The following GPHN variants were observed in gnomAD, a reference collection of about 807,000 sequenced individuals.
GPHN encodes the protein gephyrin.
GPHN carries 17 observed loss-of-function variants against 95.5 expected under a neutral mutation model. The ratio of observed to expected loss-of-function variants is 0.18; its 90% confidence interval spans 0.12 to 0.27. GPHN has a LOEUF of 0.27. GPHN is among the 10% of genes least tolerant of loss of function. The pLI is 1.00. For synonymous variants in GPHN, 320 were observed against 322.5 expected (o/e 0.99, Z 0.08); for missense variants, 660 against 978.1 (o/e 0.67, Z 4.34).
At chr14:66,613,747 A>G (rs1005585812) in intron 1 of GPHN, among the ~76,000 whole-genome samples, 4 of 152,158 alleles carry the variant, frequency 2.6e-5, no homozygotes, top group South Asian at 4.1e-4. Flanking sequence ...TGAAGATTGT[A>G]TATGTTCTTA....
At chr14:67,048,494 A>G (rs1227536640) in intron 10 of GPHN, among the ~76,000 whole-genome samples, 2 of 152,214 alleles carry the variant, frequency 1.3e-5, no homozygotes, top group Non-Finnish European at 2.9e-5. Flanking sequence ...CTACAAATCT[A>G]CTTAAGAAAA....
intron 17 of GPHN, among the ~76,000 whole-genome samples, chr14:67,133,140 G>A (rs917463656): frequency 6.6e-6 from 1 of 152,002 alleles, no homozygotes; most frequent in Non-Finnish European, 1.5e-5. Flanking sequence ...GAAAAGATTT[G>A]TAGTTAATGA....
chr14:66,923,185 A>G (rs553584420), intron 7 of GPHN, among the ~76,000 whole-genome samples: 21 of 152,302 alleles, frequency 1.4e-4, no homozygotes, highest in African/African-American at 4.1e-4. Context: ...AGTAATAGCT[A>G]CAATGATAAA....
the GPHN span, among the ~76,000 whole-genome samples, chr14:67,660,591 C>T: frequency 6.0e-4 from 91 of 152,274 alleles, no homozygotes; most frequent in African/African-American, 2.1e-3. Flanking sequence ...TTCTCCTGCT[C>T]CTCTTTCTGA....
intron 18 of GPHN, among the ~76,000 whole-genome samples, chr14:67,152,457 TATTTA>T (rs1299201502): frequency 7.2e-6 from 1 of 139,476 alleles, no homozygotes; most frequent in Non-Finnish European, 1.5e-5. Context: ...TCCAAGACTT[TATTTA>T]ACTCAACAAC....
At chr14:67,094,023 A>G (rs2077244085) in intron 12 of GPHN, among the ~76,000 whole-genome samples, 1 of 152,144 alleles carries the variant, frequency 6.6e-6, no homozygotes, top group South Asian at 2.1e-4. Context: ...AAGTTATGCC[A>G]TCTCTATGTG....
chr14:67,540,253 C>T, the GPHN span, among the ~76,000 whole-genome samples: 1 of 152,166 alleles, frequency 6.6e-6, no homozygotes. Context: ...TACCTCTTAC[C>T]TTGAAGTATT....
At chr14:66,693,638 A>G (rs939103188) in intron 2 of GPHN, among the ~76,000 whole-genome samples, 15 of 152,180 alleles carry the variant, frequency 9.9e-5, no homozygotes, top group Non-Finnish European at 2.2e-4. Flanking sequence ...CTAATTGGGT[A>G]GGTCTGCCCA....
the GPHN span, chr14:67,678,231 G>T: frequency 2.2e-6 from 2 of 889,348 alleles, no homozygotes; most frequent in Non-Finnish European, 3.7e-6. Flanking sequence ...TTGTGCTAAA[G>T]GTTTTGAAAA....
intron 1 of GPHN, among the ~76,000 whole-genome samples, chr14:66,559,590 G>T (rs897107814): frequency 4.6e-5 from 7 of 151,750 alleles, no homozygotes; most frequent in African/African-American, 9.7e-5. Flanking sequence ...GTGGTTGTTT[G>T]TTTTTTTCTT....
the GPHN span, among the ~76,000 whole-genome samples, chr14:67,606,800 C>T: frequency 6.6e-6 from 1 of 152,228 alleles, no homozygotes; most frequent in South Asian, 2.1e-4. Context: ...GCACGTGCCA[C>T]CATGTCCAGC....
the GPHN span, among the ~76,000 whole-genome samples, chr14:67,217,320 G>C: frequency 2.0e-5 from 3 of 152,028 alleles, no homozygotes; most frequent in Non-Finnish European, 4.4e-5. Context: ...TAAGTTTCAT[G>C]TAGGCAGCAT....
At chr14:66,789,141 CA>C (rs2059885572) in intron 3 of GPHN, among the ~76,000 whole-genome samples, 1 of 152,178 alleles carries the variant, frequency 6.6e-6, no homozygotes, top group African/African-American at 2.4e-5. Flanking sequence ...AGTATGTTCA[CA>C]CACAGAATCT....
In GPHN at chr14:66,646,592, C is replaced by G. The variant is rs562598578; in HGVS notation, c.65-34515C>G. Among the ~76,000 whole-genome samples, 377 of 152,078 alleles carry G rather than the reference C, an allele frequency of 2.5e-3. 3 individuals carry two copies. The highest frequency in any genetic ancestry group is 8.8e-3 in the African/African-American group (366 of 41,498). Reference sequence around the variant, plus strand: ...ATAAAATAGATAAAACAATATATATCTTGAGGGCGTTATTCTAAATGAAAT... The same window carrying G: ...ATAAAATAGATAAAACAATATATATGTTGAGGGCGTTATTCTAAATGAAAT... On this transcript the variant is annotated intron_variant, in intron 1 of 22. Transcript: ENST00000478722.
At chr14:67,274,535 T>C in the GPHN span, among the ~76,000 whole-genome samples, 5 of 152,198 alleles carry the variant, frequency 3.3e-5, no homozygotes, top group Non-Finnish European at 7.3e-5. Flanking sequence ...CCTTGTAGTA[T>C]AGTTTGAAGT....
intron 4 of GPHN, among the ~76,000 whole-genome samples, chr14:66,874,909 ACCACAAAGATAC>A (rs2153530169): frequency 6.6e-6 from 1 of 152,098 alleles, no homozygotes; most frequent in African/African-American, 2.4e-5. Context: ...TACAAAGAAC[ACCACAAAGATAC>A]TCTTTGAGGA....
the GPHN span, among the ~76,000 whole-genome samples, chr14:67,591,229 A>T: frequency 6.6e-6 from 1 of 152,168 alleles, no homozygotes; most frequent in Non-Finnish European, 1.5e-5. Context: ...TACAAATTTA[A>T]TGCCTTTACC....
the GPHN span, among the ~76,000 whole-genome samples, chr14:67,628,684 T>A: frequency 1.3e-5 from 2 of 152,242 alleles, no homozygotes; most frequent in African/African-American, 4.8e-5. Context: ...AAGCAAATTT[T>A]GACCACCTCA....
the GPHN span, among the ~76,000 whole-genome samples, chr14:67,229,170 C>T: frequency 1.3e-5 from 2 of 152,190 alleles, no homozygotes; most frequent in Non-Finnish European, 2.9e-5. Flanking sequence ...GATCTTTGAA[C>T]CCAAGAAGCC....
Sources: gnomAD v4.1 joint callset for allele counts (sites outside exome capture counted in the v4.1 genomes callset) on GRCh38, gnomAD v4.1.1 for gene constraint, MANE v1.5 for transcripts, NCBI Gene and HGNC (gene_info 2026-07-23, HGNC 2026-07-21) for gene names.